The following RARB variants were observed in gnomAD, a reference collection of about 807,000 sequenced individuals.
RARB encodes HBV-activated protein.
Under a neutral mutation model 51.9 loss-of-function variants are expected in RARB, and 17 were observed. The ratio of observed to expected loss-of-function variants is 0.33; its 90% CI spans 0.22 to 0.49. The LOEUF (loss-of-function observed/expected upper bound fraction) is 0.49, where lower values mean the gene tolerates loss of function less well. RARB is among the 20% of genes least tolerant of loss of function. The pLI is 0.99. For synonymous variants in RARB, 215 were observed against 195.4 expected (o/e 1.10, Z -0.84); for missense variants, 369 against 550.8 (o/e 0.67, Z 3.30).
rs1311801608 is a variant in RARB, at chr3:25,482,814, C to T, written c.307-18368C>T. ...TCGGCCTCCCAAAGTGCTGGGATTA[C>T]AGGCGTGAGCCACCCGCCTAGCCCT... On this transcript the variant is annotated intron_variant, in intron 2 of 7. Coordinates refer to ENST00000330688, the MANE Select transcript of RARB (RefSeq NM_000965.5). Among the ~76,000 whole-genome samples the T allele has an allele frequency of 3.9e-5, 6 of 152,202 alleles. No homozygotes were observed. The South Asian group carries it at 1.2e-3, about 32-fold the overall frequency.
chr3:25,332,185 A>G (rs1704919054), intron 5 of RARB, among the ~76,000 whole-genome samples: 1 of 152,234 alleles, frequency 6.6e-6, no homozygotes, highest in Non-Finnish European at 1.5e-5. Context: ...TGAGGCCAGC[A>G]TCATCCTGAT....
At position 25,457,097 on chromosome 3, in the gene RARB, A is replaced by AT. The variant is rs200385063; in HGVS notation, c.158-4088dup. On this transcript the variant is annotated intron_variant, in intron 1 of 7. Transcript: ENST00000330688. ...AAATCTTACAGTCAGCCAAAAGGGA[A>AT]TTTTTTTTAAAATGGCAATTCCTAG... 7.7e-3 allele frequency among the ~76,000 whole-genome samples: 1,169 copies of AT among 151,902 alleles called. 5 individuals are homozygous for AT. Among genetic ancestry groups the AT allele is most frequent in the African/African-American group, 0.026 (1,087 of 41,378 alleles).
intron 5 of RARB, among the ~76,000 whole-genome samples, chr3:25,218,175 C>T (rs1239379739): frequency 6.6e-6 from 1 of 152,068 alleles, no homozygotes. Context: ...GCTGTGGGCT[C>T]CCCAGGCAGA....
intron 3 of RARB, among the ~76,000 whole-genome samples, chr3:25,083,372 A>G (rs1488986679): frequency 6.6e-6 from 1 of 152,004 alleles, no homozygotes; most frequent in Non-Finnish European, 1.5e-5. Flanking sequence ...GATTTTAGAT[A>G]GCTTCCTGTC....
At chr3:25,256,149 G>A (rs1409465366) in intron 5 of RARB, among the ~76,000 whole-genome samples, 1 of 152,114 alleles carries the variant, frequency 6.6e-6, no homozygotes, top group Admixed American at 6.6e-5. Flanking sequence ...TGTTGCTGCT[G>A]CTGTTGTTCA....
chr3:25,270,869 GC>G (rs1197749766), intron 5 of RARB, among the ~76,000 whole-genome samples: 2 of 152,114 alleles, frequency 1.3e-5, no homozygotes, highest in Non-Finnish European at 2.9e-5. Flanking sequence ...ACAAGCAATG[GC>G]AAAAACCGCA....
At chr3:25,315,483 C>T (rs1415952174) in intron 5 of RARB, among the ~76,000 whole-genome samples, 1 of 152,196 alleles carries the variant, frequency 6.6e-6, no homozygotes, top group Non-Finnish European at 1.5e-5. Flanking sequence ...GACTTCCTAA[C>T]TTCCCTCTCA....
At chr3:25,106,451 G>GGTTTTTTTTTTTTT (rs1575163102) in intron 3 of RARB, among the ~76,000 whole-genome samples, 10 of 70,532 alleles carry the variant, frequency 1.4e-4, no homozygotes, top group African/African-American at 4.9e-4. Flanking sequence ...ACTGTTTTTT[G>GGTTTTTTTTTTTTT]TTTTTTGTTT....
At chr3:25,219,358 AAG>A (rs1264511734) in intron 5 of RARB, among the ~76,000 whole-genome samples, 1 of 152,128 alleles carries the variant, frequency 6.6e-6, no homozygotes, top group Non-Finnish European at 1.5e-5. Flanking sequence ...GTTCCTGTAA[AAG>A]AGAGAGAGCA....
chr3:25,288,534 C>T (rs561607825), intron 5 of RARB, among the ~76,000 whole-genome samples: 1 of 152,092 alleles, frequency 6.6e-6, no homozygotes, highest in East Asian at 1.9e-4. Flanking sequence ...ACCCATGAGC[C>T]CAGGACACTA....
At chr3:25,367,072 T>C (rs1575346968) in intron 5 of RARB, among the ~76,000 whole-genome samples, 1 of 152,310 alleles carries the variant, frequency 6.6e-6, no homozygotes, top group Non-Finnish European at 1.5e-5. Context: ...TTCCATCTTT[T>C]CTTTCTTGTC....
At chr3:25,201,321 C>G (rs549006319) in intron 5 of RARB, among the ~76,000 whole-genome samples, 4 of 151,944 alleles carry the variant, frequency 2.6e-5, no homozygotes, top group Non-Finnish European at 5.9e-5. Context: ...CAGCTTAAGG[C>G]GATTTTGGGC....
At chr3:25,505,030 C>A (rs1169924174) in intron 3 of RARB, among the ~76,000 whole-genome samples, 2 of 152,162 alleles carry the variant, frequency 1.3e-5, no homozygotes, top group South Asian at 2.1e-4. Context: ...CCACCCACTT[C>A]AGCCTCCCAG....
intron 5 of RARB, among the ~76,000 whole-genome samples, chr3:25,357,849 T>C (rs1575338953): frequency 6.6e-6 from 1 of 152,200 alleles, no homozygotes; most frequent in Non-Finnish European, 1.5e-5. Context: ...AGACCCCTGT[T>C]CTTTTCCATT....
chr3:25,033,608 G>A (rs1697920570), intron 2 of RARB, among the ~76,000 whole-genome samples: 2 of 152,148 alleles, frequency 1.3e-5, no homozygotes, highest in Non-Finnish European at 2.9e-5. Context: ...CAACAGTCAA[G>A]AAGAGCTCCC....
At position 25,527,990 on chromosome 3, in the gene RARB, T is replaced by C. The variant is rs371522363; in HGVS notation, c.448+26667T>C. On this transcript the variant is annotated intron_variant, in intron 3 of 7. Coordinates refer to ENST00000330688, the MANE Select transcript of RARB (RefSeq NM_000965.5). The stretch of plus-strand genomic sequence containing the variant: ...TGCACAAAGCCAGGCGGGAGGCCTG[T>C]GGATGAGGTGCTCTGCAAGCTGAGC... Among the ~76,000 whole-genome samples, 7 of 152,158 alleles carry C rather than the reference T, an allele frequency of 4.6e-5. No individual in the cohort carries two copies. The East Asian group carries it at 1.3e-3, about 29-fold the overall frequency.
chr3:25,505,950 T>C (rs772714285), intron 3 of RARB, among the ~76,000 whole-genome samples: 8 of 152,096 alleles, frequency 5.3e-5, no homozygotes, highest in Non-Finnish European at 1.2e-4. Context: ...TGGTCCATGA[T>C]GGGAAAGAAG....
chr3:24,904,107 G>A (rs1422248804), intron 2 of RARB, among the ~76,000 whole-genome samples: 1 of 152,144 alleles, frequency 6.6e-6, no homozygotes, highest in Non-Finnish European at 1.5e-5. Flanking sequence ...GAACAAAATT[G>A]TCATATTCTT....
chr3:25,288,325 G>C (rs910264346), intron 5 of RARB, among the ~76,000 whole-genome samples: 1 of 152,130 alleles, frequency 6.6e-6, no homozygotes, highest in African/African-American at 2.4e-5. Context: ...TTGGAACTGA[G>C]TTCAAAAGCA....
Sources: allele counts gnomAD v4.1 joint callset (sites outside exome capture counted in the v4.1 genomes callset), GRCh38; gene constraint gnomAD v4.1.1; transcripts MANE v1.5; gene names NCBI Gene and HGNC (gene_info 2026-07-23, HGNC 2026-07-21).